Variants in NETO1 observed in about 807,000 individuals in gnomAD.
NETO1 encodes the protein neuropilin and tolloid-like protein 1.
In NETO1, 26 loss-of-function variants were observed where a neutral mutation model predicts 61.3. The ratio of observed to expected loss-of-function variants is 0.42; its 90% CI spans 0.31 to 0.59. The LOEUF (loss-of-function observed/expected upper bound fraction) is 0.59. Among genes scored for constraint, NETO1 ranks in the 20% least tolerant of loss-of-function variants. The pLI, the probability that NETO1 is intolerant of heterozygous loss-of-function variation, is 0.12. For synonymous variants in NETO1, 225 were observed against 225.8 expected (o/e 1.00, Z 0.03); for missense variants, 531 against 662.8 (o/e 0.80, Z 2.18).
intron 4 of NETO1, among the ~76,000 whole-genome samples, chr18:72,841,531 G>C (rs2073930515): frequency 6.6e-6 from 1 of 151,878 alleles, no homozygotes; most frequent in South Asian, 2.1e-4. Flanking sequence ...TCAGGAGTTT[G>C]AGACCAGTCT....
At chr18:72,825,447 T>C (rs892168744) in intron 4 of NETO1, among the ~76,000 whole-genome samples, 2 of 152,148 alleles carry the variant, frequency 1.3e-5, no homozygotes, top group African/African-American at 4.8e-5. Flanking sequence ...TATTTTTACC[T>C]TTATTTTTGG....
rs188798523 is a variant in NETO1 at position 72,864,169 on chromosome 18, A to T, written c.220+639T>A. 1.0e-3 allele frequency among the ~76,000 whole-genome samples: 155 copies of T among 152,290 alleles called. 1 individual carries two copies. In the South Asian group the frequency reaches 0.024, roughly 23 times the overall value. On this transcript the variant is annotated intron_variant, in intron 3 of 10. Transcript: ENST00000327305. ...AGGGGACTCTCGCTTTGTCTCAAAA[A>T]AAAAAAGTGTTTACAAGGTTAGTGT...
rs2070469474 is a variant in NETO1, at chr18:72,748,007, G to C, written c.*172C>G. 4 of 367,128 alleles carry C rather than the reference G, an allele frequency of 1.1e-5. No homozygotes were observed. Among genetic ancestry groups the C allele is most frequent in the Non-Finnish European group, 1.5e-5 (4 of 264,914 alleles). The allele number at this position is 367,128 out of a possible 1,614,324, so 22.7% of individuals were successfully genotyped here. A position where few individuals can be genotyped will look rare whatever the true frequency, so the allele number is the denominator to read the frequency against. ...ACCAAATTACGAAATGAACATATCA[G>C]TGTGCAGCGGGGATGTCTTGCCGAA... On this transcript the variant is annotated 3_prime_UTR_variant, in exon 11 of 11. Coordinates refer to ENST00000327305, the MANE Select transcript of NETO1 (RefSeq NM_138966.5).
intron 7 of NETO1, among the ~76,000 whole-genome samples, chr18:72,778,886 T>C (rs1240001372): frequency 1.3e-5 from 2 of 152,176 alleles, no homozygotes; most frequent in African/African-American, 4.8e-5. Context: ...AGGTATTTGT[T>C]AGAGCAACAT....
At chr18:72,866,868 C>G (rs1313269349) in intron 1 of NETO1, 3 of 900,822 alleles carry the variant, frequency 3.3e-6, no homozygotes, top group South Asian at 5.2e-5. Context: ...AGGGGCCCGC[C>G]GAGCTCCGGG....
Position 72,830,691 on chromosome 18 carries a change from T to C in NETO1, c.469+28135A>G, listed in dbSNP as rs2073547479. Among the ~76,000 whole-genome samples the C allele has an allele frequency of 6.6e-6, 1 of 152,160 alleles. No homozygotes were observed. The highest frequency in any genetic ancestry group is 2.1e-4 in the South Asian group (1 of 4,830). On this transcript the variant is annotated intron_variant, in intron 4 of 10. Transcript: ENST00000327305. This position sits in a 1 kb window ranked among gnomAD's most constrained non-coding sequence, Gnocchi z 4.9. ...TCTTAATCCTGATTCCTAGTTGAAC[T>C]GAGTCTTGCATAAAGCAACAAAAGA...
intron 7 of NETO1, among the ~76,000 whole-genome samples, chr18:72,782,944 A>AAGTGTCTGTTCTTCTTTTC (rs2071793963): frequency 6.6e-6 from 1 of 152,188 alleles, no homozygotes; most frequent in Admixed American, 6.5e-5. Context: ...TGGCCACATG[A>AAGTGTCTGTTCTTCTTTTC]AGTGTCTGTT....
At chr18:72,865,037 AAATT>A in intron 2 of NETO1, 92 bp from the exon 3 acceptor site, 1 of 1,452,942 alleles carries the variant, frequency 6.9e-7, no homozygotes, top group Non-Finnish European at 9.3e-7. Context: ...ATCCATTAGT[AAATT>A]AATTTTTAAA....
At chr18:72,841,136 AC>A (rs1402536063) in intron 4 of NETO1, among the ~76,000 whole-genome samples, 1 of 152,206 alleles carries the variant, frequency 6.6e-6, no homozygotes, top group Non-Finnish European at 1.5e-5. Context: ...TGATGGCCAG[AC>A]TGTGTTTAAA....
chr18:72,752,932 A>C (rs1008440264), intron 8 of NETO1, among the ~76,000 whole-genome samples: 13 of 152,150 alleles, frequency 8.5e-5, no homozygotes, highest in Non-Finnish European at 1.5e-4. Flanking sequence ...TAACTTTATA[A>C]AGACAGAGGC....
chr18:72,833,888 A>G (rs1383261595), intron 4 of NETO1, among the ~76,000 whole-genome samples: 1 of 152,190 alleles, frequency 6.6e-6, no homozygotes, highest in African/African-American at 2.4e-5. Context: ...ACATTATTAT[A>G]TATCTCATTA....
intron 3 of NETO1, among the ~76,000 whole-genome samples, chr18:72,862,947 C>A (rs1051888692): frequency 1.3e-5 from 2 of 152,090 alleles, no homozygotes; most frequent in African/African-American, 4.8e-5. Flanking sequence ...CCTCTCAGTT[C>A]TTTCATGTAC....
intron 4 of NETO1, among the ~76,000 whole-genome samples, chr18:72,850,579 A>G (rs17086475): frequency 0.047 from 7,138 of 152,298 alleles, 566 homozygotes; most frequent in African/African-American, 0.16. Context: ...ACAGGGCTTT[A>G]GTAATTTGAA....
At position 72,782,820 on chromosome 18, in the gene NETO1, T is replaced by A. The variant is rs1165732954; in HGVS notation, c.868+858A>T. Among the ~76,000 whole-genome samples, 4 of 151,960 alleles carry A rather than the reference T, an allele frequency of 2.6e-5. No homozygotes were observed. The East Asian group carries it at 5.8e-4, about 22-fold the overall frequency. On this transcript the variant is annotated intron_variant, in intron 7 of 10. Coordinates refer to ENST00000327305, the MANE Select transcript of NETO1 (RefSeq NM_138966.5). ...ACTCCATCTCAAAAAAAAATAATAA[T>A]AAATACATAAATAAAATAACAGCTA...
chr18:72,768,477 T>A (rs1599128391), intron 7 of NETO1, among the ~76,000 whole-genome samples: 1 of 152,324 alleles, frequency 6.6e-6, no homozygotes, highest in East Asian at 1.9e-4. Context: ...CAAATTCTAC[T>A]GTGGTCAAAT....
intron 4 of NETO1, among the ~76,000 whole-genome samples, chr18:72,831,834 C>T (rs1438791490): frequency 1.3e-5 from 2 of 152,142 alleles, no homozygotes; most frequent in Non-Finnish European, 2.9e-5. Flanking sequence ...AAAGCAATGC[C>T]AGTATTTGTC....
chr18:72,817,393 G>A (rs944398362), intron 4 of NETO1, among the ~76,000 whole-genome samples: 29 of 152,312 alleles, frequency 1.9e-4, no homozygotes, highest in South Asian at 4.1e-4. Flanking sequence ...CATCGGCCCC[G>A]CAGCCATTCC....
chr18:72,851,650 A>G (rs1356961018), intron 4 of NETO1, among the ~76,000 whole-genome samples: 1 of 152,168 alleles, frequency 6.6e-6, no homozygotes, highest in Non-Finnish European at 1.5e-5. Context: ...AGGTAGAAGG[A>G]GAGACGAAAA....
At chr18:72,845,426 A>G (rs1165423607) in intron 4 of NETO1, among the ~76,000 whole-genome samples, 2 of 152,246 alleles carry the variant, frequency 1.3e-5, no homozygotes, top group African/African-American at 4.8e-5. Context: ...TATAACATAT[A>G]CAGTATAGAA....
Sources: gnomAD v4.1 joint callset for allele counts (sites outside exome capture counted in the v4.1 genomes callset) on GRCh38, gnomAD v4.1.1 for gene constraint, Gnocchi (gnomAD v3.1) non-coding constraint, MANE v1.5 for transcripts, NCBI Gene and HGNC (gene_info 2026-07-23, HGNC 2026-07-21) for gene names.